ITPK1: variants seen among roughly 807,000 people sequenced by gnomAD.
The protein encoded by ITPK1 is inositol-tetrakisphosphate 1-kinase.
A neutral mutation model predicts 45.3 loss-of-function variants in ITPK1; 21 were observed. That is an observed-to-expected ratio of 0.46 (90% CI 0.33 to 0.67). The LOEUF (loss-of-function observed/expected upper bound fraction) is 0.67, where lower values mean the gene tolerates loss of function less well. Ranked by LOEUF, ITPK1 falls within the 30% of genes least tolerant of loss-of-function variation. The probability of loss-of-function intolerance (pLI) is 0.02; values close to 1 mark genes in which losing one functional copy is unlikely to be tolerated. For synonymous variants in ITPK1, 258 were observed against 253.6 expected (o/e 1.02, Z -0.16); for missense variants, 474 against 573.5 (o/e 0.83, Z 1.77).
chr14:92,986,019 C>T lies in ITPK1; in HGVS notation c.364+7861G>A, dbSNP rs34835107. Among the ~76,000 whole-genome samples, 1,122 of 152,268 alleles carry T rather than the reference C, an allele frequency of 7.4e-3. 7 individuals are homozygous for T. The highest frequency in any genetic ancestry group is 0.027 in the Middle Eastern group (8 of 294). On this transcript the variant is annotated intron_variant, in intron 5 of 10. Transcript: ENST00000267615. ...CAGTCTGACTTTAGATTCACTATGGCGCTGCTTCTGAAAAGACCCCTGCAG... is the reference window on the plus strand; with the variant it reads ...CAGTCTGACTTTAGATTCACTATGGTGCTGCTTCTGAAAAGACCCCTGCAG...
In ITPK1 at chr14:92,941,672, C is replaced by T. The variant is rs563090061; in HGVS notation, c.1134G>A (p.Ala378=). 1.2e-4 allele frequency: 186 copies of T among 1,541,490 alleles called. No individual in the cohort carries two copies. In the Middle Eastern group the frequency reaches 1.5e-3, roughly 13 times the overall value. Residue 378 remains alanine, a synonymous_variant, in exon 11 of 11, where the codon GCG becomes GCA. Transcript: ENST00000267615. ...QDAPWKAEAD[A]GGTAKLPHQR... ...GGTGCGGCAGCTTGGCGGTGCCGCC[C>T]GCGTCGGCCTCAGCCTTCCAGGGCG... is the stretch of plus-strand genomic sequence containing the variant.
At chr14:92,967,616 C>T (rs943117287) in intron 5 of ITPK1, among the ~76,000 whole-genome samples, 4 of 152,208 alleles carry the variant, frequency 2.6e-5, no homozygotes, top group Non-Finnish European at 2.9e-5. Flanking sequence ...TGGTTCACAG[C>T]AGCATTACTC....
chr14:93,044,569 C>A (rs1889698851), intron 3 of ITPK1, among the ~76,000 whole-genome samples: 1 of 152,182 alleles, frequency 6.6e-6, no homozygotes, highest in Admixed American at 6.5e-5. Flanking sequence ...CACAGGGCCC[C>A]CCAGGTAAAG....
intron 9 of ITPK1, 139 bp from the exon 10 acceptor site, chr14:92,946,632 G>T: frequency 1.2e-6 from 1 of 836,024 alleles, no homozygotes. Context: ...ACTGTGGTGA[G>T]CACGGGGCGG....
At chr14:93,061,304 G>A (rs574793308) in intron 3 of ITPK1, among the ~76,000 whole-genome samples, 9 of 152,190 alleles carry the variant, frequency 5.9e-5, no homozygotes, top group Non-Finnish European at 1.2e-4. Flanking sequence ...CAGGCAAGGA[G>A]GCTGAAGCAC....
At position 93,076,615 on chromosome 14, in the gene ITPK1, G is replaced by A; in HGVS notation, c.100C>T (p.Arg34Ter). The A allele has an allele frequency of 3.1e-6, 5 of 1,614,128 alleles. No homozygotes were observed. The highest frequency in any genetic ancestry group is 4.2e-6 in the Non-Finnish European group (5 of 1,180,008). ...CTCACCTGCACAACCTCCATCCCTC[G>A]CTTCCTGTGGAGAAAAACAAAGAAA... ...FQAFAELCRK[R>*]GMEVVQLNLS... Residue 34 changes from arginine (R) to a stop codon, truncating the protein, a stop_gained, in exon 3 of 11, where the codon CGA becomes TGA. Coordinates refer to ENST00000267615, the MANE Select transcript of ITPK1 (RefSeq NM_014216.6). LOFTEE classifies it high-confidence loss of function. The surrounding 1 kb of genome is among the most constrained non-coding windows in gnomAD (Gnocchi z 4.3).
In ITPK1 at chr14:92,951,966, A is replaced by C. The variant is rs1390570990; in HGVS notation, c.718T>G (p.Ser240Ala). 6.3e-7 allele frequency: 1 copy of C among 1,580,046 alleles called. No homozygotes were observed. Among genetic ancestry groups the C allele is most frequent in the South Asian group, 1.2e-5 (1 of 86,216 alleles). Residue 240 changes from serine (S) to alanine (A), a missense_variant, in exon 9 of 11, where the codon TCG (serine) becomes GCG (alanine). Coordinates refer to ENST00000267615, the MANE Select transcript of ITPK1 (RefSeq NM_014216.6). ...CCCACCTCCGTCAGGACCGATGACG[A>C]CTCCGGCTTTGACACGTTGTGGCTG... The part of the protein sequence containing the change: ...FNSHNVSKPE[S>A]SSVLTELDKI...
intron 5 of ITPK1, among the ~76,000 whole-genome samples, chr14:92,986,155 G>A (rs1886476465): frequency 6.6e-6 from 1 of 152,224 alleles, no homozygotes; most frequent in Non-Finnish European, 1.5e-5. Flanking sequence ...TTGAGGATGT[G>A]GAGAAGAGCA....
chr14:93,081,381 A>G (rs1161199229), intron 2 of ITPK1, among the ~76,000 whole-genome samples: 1 of 152,054 alleles, frequency 6.6e-6, no homozygotes, highest in Non-Finnish European at 1.5e-5. Context: ...CAGGCTCTAA[A>G]CTGTCATTGT....
intron 6 of ITPK1, 101 bp from the exon 7 acceptor site, chr14:92,962,496 G>T: frequency 1.2e-6 from 1 of 845,866 alleles, no homozygotes; most frequent in East Asian, 2.4e-5. Flanking sequence ...CTGAGACACA[G>T]ACTCTGGACA....
At chr14:93,107,854 G>A (rs1440927527) in intron 2 of ITPK1, among the ~76,000 whole-genome samples, 1 of 152,212 alleles carries the variant, frequency 6.6e-6, no homozygotes, top group African/African-American at 2.4e-5. Context: ...AGGCCACAAG[G>A]GCAGCTGCTT....
intron 7 of ITPK1, among the ~76,000 whole-genome samples, chr14:92,960,366 G>T (rs1203215339): frequency 6.6e-6 from 1 of 152,170 alleles, no homozygotes; most frequent in Non-Finnish European, 1.5e-5. Flanking sequence ...AGCAAGTACC[G>T]GGCAAGTACC....
At chr14:93,046,876 G>A (rs1889801694) in intron 3 of ITPK1, among the ~76,000 whole-genome samples, 1 of 152,214 alleles carries the variant, frequency 6.6e-6, no homozygotes, top group Non-Finnish European at 1.5e-5. Context: ...CGCACATGCA[G>A]CCCAGCACCT....
rs539677052 is a variant in ITPK1 at position 92,991,646 on chromosome 14, C to T, written c.364+2234G>A. Among the ~76,000 whole-genome samples the T allele has an allele frequency of 9.9e-5, 15 of 152,218 alleles. No homozygotes were observed. In the East Asian group the frequency reaches 1.7e-3, roughly 18 times the overall value. ...GAGGCCCAATTCCAAGCCAGGCGAGCGGGCAACAGAGGTACCTCCTGGGCC... is the reference window on the plus strand; with the variant it reads ...GAGGCCCAATTCCAAGCCAGGCGAGTGGGCAACAGAGGTACCTCCTGGGCC... On this transcript the variant is annotated intron_variant, in intron 5 of 10. Coordinates refer to ENST00000267615, the MANE Select transcript of ITPK1 (RefSeq NM_014216.6).
intron 3 of ITPK1, among the ~76,000 whole-genome samples, chr14:93,058,459 C>T (rs1235591546): frequency 2.1e-4 from 2 of 9,392 alleles, no homozygotes; most frequent in African/African-American, 4.9e-4. Flanking sequence ...GTGCGGGTCA[C>T]GAGGCGGGGT....
At chr14:92,948,170 C>T (rs1887774307) in intron 9 of ITPK1, among the ~76,000 whole-genome samples, 1 of 151,984 alleles carries the variant, frequency 6.6e-6, no homozygotes, top group African/African-American at 2.4e-5. Flanking sequence ...ACGAGCTCAG[C>T]GGCTGCCAAT....
In ITPK1 at chr14:92,938,601, G is replaced by A. The variant is rs1283932943; in HGVS notation, c.*2960C>T. On this transcript the variant is annotated 3_prime_UTR_variant, in exon 11 of 11. Coordinates refer to ENST00000267615, the MANE Select transcript of ITPK1 (RefSeq NM_014216.6). Reference sequence around the variant, plus strand: ...CAGGCATGAGACACAGGCAGGCCCAGGCACAGGAAGCCCCATGGAACCTGC... The same window carrying A: ...CAGGCATGAGACACAGGCAGGCCCAAGCACAGGAAGCCCCATGGAACCTGC... 6 of 1,250,138 alleles carry A rather than the reference G, an allele frequency of 4.8e-6. No homozygotes were observed. The highest frequency in any genetic ancestry group is 7.0e-6 in the Non-Finnish European group (6 of 858,614). 77.4% of individuals were successfully genotyped at this position (1,250,138 alleles called of 1,614,324 possible). A position where few individuals can be genotyped will look rare whatever the true frequency, so the allele number is the denominator to read the frequency against.
At chr14:93,092,939 G>A (rs773024432) in intron 2 of ITPK1, among the ~76,000 whole-genome samples, 32 of 152,166 alleles carry the variant, frequency 2.1e-4, no homozygotes, top group Admixed American at 7.2e-4. Flanking sequence ...TCCAGCCACG[G>A]CGCGTGCCTC....
chr14:93,001,296 AAAAC>A (rs139436466), intron 4 of ITPK1, among the ~76,000 whole-genome samples: 62,633 of 150,870 alleles, frequency 0.42, 13,834 homozygotes, highest in East Asian at 0.54. Context: ...TGTCTCAGGA[AAAAC>A]AAACAAACAA....
Sources: gnomAD v4.1 joint callset for allele counts (sites outside exome capture counted in the v4.1 genomes callset) on GRCh38, gnomAD v4.1.1 for gene constraint, Gnocchi (gnomAD v3.1) non-coding constraint, MANE v1.5 for transcripts, NCBI Gene and HGNC (gene_info 2026-07-23, HGNC 2026-07-21) for gene names.